Variants in EFL1 observed in about 807,000 individuals in gnomAD.
The protein encoded by EFL1 is elongation factor-like GTPase 1.
In EFL1, 76 loss-of-function variants were observed where a neutral mutation model predicts 126.7. That is an observed-to-expected ratio of 0.60 (90% confidence interval 0.50 to 0.73). The LOEUF is 0.73. EFL1 is among the 30% of genes least tolerant of loss of function. The probability of loss-of-function intolerance (pLI) is 0.00; values close to 1 mark genes in which losing one functional copy is unlikely to be tolerated. For missense variants in EFL1, 1,128 were observed against 1,343.2 expected, an observed-to-expected ratio of 0.84 and a Z score of 2.50; for synonymous variants, 410 against 448.4, an observed-to-expected ratio of 0.91 and a Z score of 1.08.
At chr15:82,138,268 T>C (rs568732605) in intron 19 of EFL1, among the ~76,000 whole-genome samples, 4 of 152,274 alleles carry the variant, frequency 2.6e-5, no homozygotes, top group South Asian at 2.1e-4. Flanking sequence ...TATTTTTTTT[T>C]CCCCTAGAAG....
chr15:82,254,315 A>G (rs969707711), intron 3 of EFL1, among the ~76,000 whole-genome samples: 3 of 151,820 alleles, frequency 2.0e-5, no homozygotes, highest in African/African-American at 7.3e-5. Flanking sequence ...CACCTCTCCA[A>G]CCTCTCAGTC....
chr15:82,178,671 T>C (rs2141257141), intron 15 of EFL1, among the ~76,000 whole-genome samples: 1 of 152,360 alleles, frequency 6.6e-6, no homozygotes, highest in Admixed American at 6.5e-5. Flanking sequence ...TGGATTACCC[T>C]GTCATGCCTG....
intron 18 of EFL1, among the ~76,000 whole-genome samples, chr15:82,149,317 A>AC (rs2073883343): frequency 6.6e-6 from 1 of 152,244 alleles, no homozygotes; most frequent in Non-Finnish European, 1.5e-5. Flanking sequence ...TCATACAACT[A>AC]CATGATTTCT....
chr15:82,168,484 T>C (rs2074101071), intron 15 of EFL1, among the ~76,000 whole-genome samples: 1 of 152,200 alleles, frequency 6.6e-6, no homozygotes, highest in African/African-American at 2.4e-5. Context: ...TTTCTTCTCA[T>C]AGGAACAGAC....
chr15:82,132,328 G>A (rs566448782), intron 19 of EFL1, among the ~76,000 whole-genome samples: 33 of 152,130 alleles, frequency 2.2e-4, no homozygotes, highest in African/African-American at 7.7e-4. Context: ...CAGTTGCTGG[G>A]ACACAATGAA....
chr15:82,252,170 A>G (rs2075028078), intron 4 of EFL1, among the ~76,000 whole-genome samples: 3 of 152,178 alleles, frequency 2.0e-5, no homozygotes, highest in Non-Finnish European at 4.4e-5. Flanking sequence ...TCCTATTGAC[A>G]TTCAGGTTGT....
At chr15:82,213,686 G>A (rs2074612487) in intron 15 of EFL1, among the ~76,000 whole-genome samples, 1 of 152,186 alleles carries the variant, frequency 6.6e-6, no homozygotes, top group African/African-American at 2.4e-5. Context: ...TCTCAAGGAA[G>A]GCTTATGAAC....
rs534847688 is a variant in EFL1 at position 82,166,893 on chromosome 15, T to C, written c.1751-2909A>G. On this transcript the variant is annotated intron_variant, in intron 15 of 19. Transcript: ENST00000268206. The stretch of plus-strand genomic sequence containing the variant: ...AATTATAACAATTAGGGACAAAGAA[T>C]TTCTTCACAGAAAGCACATTTGCTA... Among the ~76,000 whole-genome samples, 15 of 152,350 alleles carry C rather than the reference T, an allele frequency of 9.8e-5. No individual in the cohort carries two copies. The East Asian group carries it at 2.7e-3, about 27-fold the overall frequency.
At chr15:82,189,132 C>T (rs1353639220) in intron 15 of EFL1, among the ~76,000 whole-genome samples, 2 of 151,948 alleles carry the variant, frequency 1.3e-5, no homozygotes, top group Non-Finnish European at 2.9e-5. Context: ...ACCTATACGC[C>T]GTGTTACTGT....
At chr15:82,232,313 C>T (rs975388839) in intron 7 of EFL1, among the ~76,000 whole-genome samples, 9 of 152,126 alleles carry the variant, frequency 5.9e-5, no homozygotes, top group Admixed American at 2.0e-4. Context: ...AATGACTGAG[C>T]GATGAATACA....
intron 17 of EFL1, among the ~76,000 whole-genome samples, chr15:82,154,190 GTTCTT>G (rs2073943045): frequency 6.6e-6 from 1 of 152,148 alleles, no homozygotes; most frequent in Non-Finnish European, 1.5e-5. Flanking sequence ...AGGACCAAAG[GTTCTT>G]TAAGTCCTAG....
chr15:82,163,050 G>A (rs2074039581), intron 16 of EFL1, among the ~76,000 whole-genome samples: 1 of 152,218 alleles, frequency 6.6e-6, no homozygotes. Flanking sequence ...ATAAGCCAAA[G>A]ACTAAGGAGT....
chr15:82,199,795 A>G (rs2074447993), intron 15 of EFL1, among the ~76,000 whole-genome samples: 1 of 152,236 alleles, frequency 6.6e-6, no homozygotes, highest in Non-Finnish European at 1.5e-5. Context: ...CTTTACAGTA[A>G]AAGAGTGGTC....
chr15:82,219,948 A>G (rs2074692392), intron 13 of EFL1, 130 bp from the exon 14 acceptor site: 1 of 1,486,998 alleles, frequency 6.7e-7, no homozygotes, highest in Non-Finnish European at 9.0e-7. Flanking sequence ...ACAAAACAAA[A>G]CAAGAATGGA....
In EFL1 at chr15:82,130,256, C is replaced by G. The variant is rs2073623668; in HGVS notation, c.*117G>C. The stretch of plus-strand genomic sequence containing the variant: ...TCTTTAAAATATTTATATGGATCAA[C>G]TTTATTGAAAGTGAATAAACAGAGA... On this transcript the variant is annotated 3_prime_UTR_variant, in exon 20 of 20. Coordinates refer to ENST00000268206, the MANE Select transcript of EFL1 (RefSeq NM_024580.6). 2.7e-6 allele frequency: 3 copies of G among 1,112,142 alleles called. No individual in the cohort carries two copies. Among genetic ancestry groups the G allele is most frequent in the Admixed American group, 5.7e-5 (2 of 35,386 alleles). The allele number at this position is 1,112,142 out of a possible 1,614,324, so 68.9% of individuals were successfully genotyped here.
intron 15 of EFL1, among the ~76,000 whole-genome samples, chr15:82,203,498 C>T (rs765471969): frequency 3.9e-5 from 6 of 152,066 alleles, no homozygotes; most frequent in African/African-American, 4.8e-5. Flanking sequence ...CCTCAGCCTC[C>T]GGAGTAGGTG....
rs1412255725 is a variant in EFL1 at position 82,196,888 on chromosome 15, C to T, written c.1750+17829G>A. Among the ~76,000 whole-genome samples the T allele has an allele frequency of 4.6e-5, 7 of 152,056 alleles. No homozygotes were observed. In the South Asian group the frequency reaches 1.0e-3, roughly 23 times the overall value. On this transcript the variant is annotated intron_variant, in intron 15 of 19. Coordinates refer to ENST00000268206, the MANE Select transcript of EFL1 (RefSeq NM_024580.6). The stretch of plus-strand genomic sequence containing the variant: ...CTCTACTAAAAATACAAAAATTAGC[C>T]GGGCATGGTGGTGGGTGCCTATAAT...
At chr15:82,206,295 A>G (rs914437669) in intron 15 of EFL1, among the ~76,000 whole-genome samples, 53 of 152,210 alleles carry the variant, frequency 3.5e-4, no homozygotes, top group Non-Finnish European at 5.7e-4. Context: ...TACATAATAT[A>G]TTAGAAGAAT....
chr15:82,194,379 G>A (rs1179554109), intron 15 of EFL1, among the ~76,000 whole-genome samples: 2 of 152,176 alleles, frequency 1.3e-5, no homozygotes, highest in East Asian at 3.8e-4. Context: ...CAAAGAACTT[G>A]TAATGTCTAA....
Sources: gnomAD v4.1 joint callset for allele counts (sites outside exome capture counted in the v4.1 genomes callset) on GRCh38, gnomAD v4.1.1 for gene constraint, MANE v1.5 for transcripts, NCBI Gene and HGNC (gene_info 2026-07-23, HGNC 2026-07-21) for gene names.